The following ASTN2 variants were observed in gnomAD, a reference collection of about 807,000 sequenced individuals.
The protein encoded by ASTN2 is astrotactin 2.
A neutral mutation model predicts 139.8 loss-of-function variants in ASTN2; 54 were observed. The ratio of observed to expected loss-of-function variants is 0.39; its 90% CI spans 0.31 to 0.48. The LOEUF (loss-of-function observed/expected upper bound fraction) is 0.48. Ranked by LOEUF, ASTN2 falls within the 20% of genes least tolerant of loss-of-function variation. The pLI is 0.95. For missense variants in ASTN2, 1,565 were observed against 1,725.1 expected (o/e 0.91, Z 1.64); for synonymous variants, 756 against 719.5 (o/e 1.05, Z -0.81).
At chr9:117,060,336 A>AAGAG (rs1839211079) in intron 5 of ASTN2, among the ~76,000 whole-genome samples, 1 of 80,774 alleles carries the variant, frequency 1.2e-5, no homozygotes, top group Non-Finnish European at 2.3e-5. Context: ...GAAAGAAAGA[A>AAGAG]AGAAAGAGAG....
chr9:116,985,080 G>T (rs923075676), intron 7 of ASTN2, among the ~76,000 whole-genome samples: 2 of 152,208 alleles, frequency 1.3e-5, no homozygotes, highest in African/African-American at 2.4e-5. Flanking sequence ...TGTGTGACCT[G>T]AGGTAGTTCC....
At chr9:116,803,942 C>T (rs1301417964) in intron 13 of ASTN2, among the ~76,000 whole-genome samples, 1 of 151,918 alleles carries the variant, frequency 6.6e-6, no homozygotes, top group Non-Finnish European at 1.5e-5. Flanking sequence ...GTTGGAATTA[C>T]AGGTGTGAGC....
intron 2 of ASTN2, among the ~76,000 whole-genome samples, chr9:117,252,083 G>C (rs1833555130): frequency 6.6e-6 from 1 of 152,184 alleles, no homozygotes; most frequent in African/African-American, 2.4e-5. Context: ...GGTGTCTTTG[G>C]AAGACGATAA....
chr9:117,040,012 G>A, intron 5 of ASTN2, 47 bp from the exon 6 acceptor site: 1 of 1,535,734 alleles, frequency 6.5e-7, no homozygotes, highest in Non-Finnish European at 8.8e-7. Context: ...ATGAGGTGAG[G>A]AAATGGGATT....
At chr9:117,388,530 T>C (rs570253625) in intron 1 of ASTN2, among the ~76,000 whole-genome samples, 7 of 152,204 alleles carry the variant, frequency 4.6e-5, no homozygotes, top group Non-Finnish European at 1.0e-4. Flanking sequence ...AGCAATTCTA[T>C]CCTTCCATGA....
intron 1 of ASTN2, among the ~76,000 whole-genome samples, chr9:117,295,621 A>G (rs1000608813): frequency 1.3e-5 from 2 of 151,980 alleles, no homozygotes; most frequent in African/African-American, 4.8e-5. Context: ...GTGATTTGGT[A>G]TATATATATT....
At chr9:116,806,543 T>A (rs939507140) in intron 12 of ASTN2, among the ~76,000 whole-genome samples, 1 of 152,216 alleles carries the variant, frequency 6.6e-6, no homozygotes, top group African/African-American at 2.4e-5. Flanking sequence ...TGGAATTCTA[T>A]GAGTGTCTAC....
At chr9:116,715,808 C>T (rs185436591) in intron 16 of ASTN2, among the ~76,000 whole-genome samples, 5 of 152,024 alleles carry the variant, frequency 3.3e-5, no homozygotes, top group African/African-American at 9.7e-5. Flanking sequence ...AATGATAGAG[C>T]GGTGAGAAAG....
intron 16 of ASTN2, among the ~76,000 whole-genome samples, chr9:116,673,138 T>C (rs1341648586): frequency 6.6e-6 from 1 of 152,218 alleles, no homozygotes; most frequent in Admixed American, 6.5e-5. Context: ...AATGGAATCA[T>C]CTAGAGGGTA....
chr9:116,699,848 T>C lies in ASTN2; in HGVS notation c.2806+25923A>G, dbSNP rs1861086076. The C allele has an allele frequency of 9.0e-7, 1 of 1,114,328 alleles. No homozygotes were observed. Among genetic ancestry groups the C allele is most frequent in the Non-Finnish European group, 1.3e-6 (1 of 773,854 alleles). The allele number at this position is 1,114,328 out of a possible 1,614,324, so 69.0% of individuals were successfully genotyped here. A position where few individuals can be genotyped will look rare whatever the true frequency, so the allele number is the denominator to read the frequency against. Reference sequence around the variant, plus strand: ...TCTAGAACTTCAGAAGCTCCATCTTTTAATGTTTTTATTTGTTATGTCCCC... The same window carrying C: ...TCTAGAACTTCAGAAGCTCCATCTTCTAATGTTTTTATTTGTTATGTCCCC... On this transcript the variant is annotated intron_variant, in intron 16 of 22. Coordinates refer to ENST00000313400, the MANE Select transcript of ASTN2 (RefSeq NM_001365068.1). This position sits in a 1 kb window ranked among gnomAD's most constrained non-coding sequence, Gnocchi z 4.2.
chr9:117,118,262 T>A (rs1302213913), intron 4 of ASTN2, among the ~76,000 whole-genome samples: 1 of 152,208 alleles, frequency 6.6e-6, no homozygotes, highest in Non-Finnish European at 1.5e-5. Flanking sequence ...AGTTCTTTTT[T>A]GCCCTTCCTA....
intron 2 of ASTN2, among the ~76,000 whole-genome samples, chr9:117,290,226 G>A (rs912043133): frequency 2.0e-5 from 3 of 152,160 alleles, no homozygotes; most frequent in Admixed American, 6.5e-5. Context: ...AAGAAGAAAA[G>A]GAGAAGTGAA....
At chr9:117,272,194 C>T (rs1834082238) in intron 2 of ASTN2, among the ~76,000 whole-genome samples, 2 of 152,236 alleles carry the variant, frequency 1.3e-5, no homozygotes, top group Admixed American at 1.3e-4. Context: ...GCAGGCTAAA[C>T]ACCATGTGGA....
intron 10 of ASTN2, among the ~76,000 whole-genome samples, chr9:116,901,090 T>TTGTGTGTGTG (rs59919446): frequency 1.3e-5 from 2 of 149,552 alleles, no homozygotes; most frequent in Non-Finnish European, 3.0e-5. Context: ...CGGCTACTGA[T>TTGTGTGTGTG]TGTGTGTGTG....
At chr9:116,644,500 C>T (rs1857495109) in intron 17 of ASTN2, among the ~76,000 whole-genome samples, 1 of 152,104 alleles carries the variant, frequency 6.6e-6, no homozygotes, top group Non-Finnish European at 1.5e-5. Context: ...GAAAACTGAG[C>T]CTTGGAAAAA....
intron 1 of ASTN2, among the ~76,000 whole-genome samples, chr9:117,323,120 T>C (rs1033232195): frequency 2.6e-5 from 4 of 152,128 alleles, no homozygotes; most frequent in Non-Finnish European, 5.9e-5. Context: ...TCCATTCCCA[T>C]AGTATGTCTG....
At chr9:117,041,471 T>A (rs947409166) in intron 5 of ASTN2, among the ~76,000 whole-genome samples, 1 of 152,166 alleles carries the variant, frequency 6.6e-6, no homozygotes, top group Admixed American at 6.5e-5. Context: ...CACCTTTGAG[T>A]TTCTGTCTTC....
chr9:117,060,402 GAAA>G (rs1564406404), intron 5 of ASTN2, among the ~76,000 whole-genome samples: 1,426 of 74,426 alleles, frequency 0.019, 59 homozygotes, highest in African/African-American at 0.053. Flanking sequence ...AAGAAAGAAA[GAAA>G]GAAAGAAGGA....
At chr9:116,672,278 A>G (rs1859243716) in intron 16 of ASTN2, among the ~76,000 whole-genome samples, 1 of 151,772 alleles carries the variant, frequency 6.6e-6, no homozygotes, top group African/African-American at 2.4e-5. Context: ...AGGTGGGAGG[A>G]TCACTTGAGC....
Sources: gnomAD v4.1 joint callset for allele counts (sites outside exome capture counted in the v4.1 genomes callset) on GRCh38, gnomAD v4.1.1 for gene constraint, Gnocchi (gnomAD v3.1) non-coding constraint, MANE v1.5 for transcripts, NCBI Gene and HGNC (gene_info 2026-07-23, HGNC 2026-07-21) for gene names.